Variants in AHI1 observed in about 807,000 individuals in gnomAD.
AHI1 encodes jouberin.
Under a neutral mutation model 149.3 loss-of-function variants are expected in AHI1, and 123 were observed. The ratio of observed to expected loss-of-function variants is 0.82; its 90% CI spans 0.71 to 0.96. The LOEUF (loss-of-function observed/expected upper bound fraction) is 0.96. Ranked by LOEUF, AHI1 falls within the 40% of genes least tolerant of loss-of-function variation. AHI1 has a pLI of 0.00. For synonymous variants in AHI1, 475 were observed against 459.8 expected (o/e 1.03, Z -0.42); for missense variants, 1,439 against 1,422.7 (o/e 1.01, Z -0.18).
At chr6:135,438,286 A>G in intron 15 of AHI1, 89 bp downstream of exon 15, 1 of 1,223,714 alleles carries the variant, frequency 8.2e-7, no homozygotes, top group Admixed American at 2.9e-5. Flanking sequence ...ATACGACTGG[A>G]GCATAAGAGT....
chr6:135,298,126 T>G (rs911601706), intron 27 of AHI1, among the ~76,000 whole-genome samples: 1 of 152,114 alleles, frequency 6.6e-6, no homozygotes, highest in African/African-American at 2.4e-5. Flanking sequence ...AGCAGCCTCA[T>G]TACCAACTCT....
chr6:135,290,332 C>T lies in AHI1; in HGVS notation c.3588+91G>A, dbSNP rs1782180738. ...ACTTGTCAGTCCTTATTTTACTTGC[C>T]TCTCTCTGGTATTTGTCCTTGCTGA... On this transcript the variant is annotated intron_variant, in intron 28 of 28. Coordinates refer to ENST00000265602, the MANE Select transcript of AHI1 (RefSeq NM_001134831.2). 4 of 818,244 alleles carry T rather than the reference C, an allele frequency of 4.9e-6. No homozygotes were observed. The Admixed American group carries it at 7.7e-5, about 16-fold the overall frequency. The allele number at this position is 818,244 out of a possible 1,614,324, so 50.7% of individuals were successfully genotyped here.
At chr6:135,414,205 G>GT (rs1167823842) in intron 20 of AHI1, among the ~76,000 whole-genome samples, 2 of 152,202 alleles carry the variant, frequency 1.3e-5, no homozygotes, top group Non-Finnish European at 2.9e-5. Flanking sequence ...AGAAAAGACA[G>GT]TTTTTTCCAA....
At chr6:135,479,442 C>T (rs1409631131) in intron 5 of AHI1, among the ~76,000 whole-genome samples, 2 of 152,200 alleles carry the variant, frequency 1.3e-5, no homozygotes, top group Non-Finnish European at 2.9e-5. Context: ...TATTTTGGAG[C>T]TTTAAAATTT....
At chr6:135,347,455 A>G (rs1791402178) in intron 24 of AHI1, among the ~76,000 whole-genome samples, 2 of 152,204 alleles carry the variant, frequency 1.3e-5, no homozygotes, top group Non-Finnish European at 2.9e-5. Flanking sequence ...TAGAGAGTTA[A>G]TATTTTTGGC....
At chr6:135,393,382 C>T (rs925609257) in intron 23 of AHI1, among the ~76,000 whole-genome samples, 1 of 152,128 alleles carries the variant, frequency 6.6e-6, no homozygotes, top group African/African-American at 2.4e-5. Flanking sequence ...TATTTACCTT[C>T]TAAGCTCTTA....
rs962171334 is a variant in AHI1 at position 135,432,300 on chromosome 6, C to A, written c.2266+727G>T. Reference sequence around the variant, plus strand: ...ACTATTTAATAGATACAATAAATTTCTTCATTCTTTCAGATAATAAAATGA... The same window carrying A: ...ACTATTTAATAGATACAATAAATTTATTCATTCTTTCAGATAATAAAATGA... On this transcript the variant is annotated intron_variant, in intron 16 of 28. Transcript: ENST00000265602. Among the ~76,000 whole-genome samples the A allele has an allele frequency of 2.0e-5, 3 of 152,120 alleles. No homozygotes were observed. The East Asian group carries it at 5.8e-4, about 29-fold the overall frequency.
intron 24 of AHI1, among the ~76,000 whole-genome samples, chr6:135,353,342 C>T (rs2128428296): frequency 6.6e-6 from 1 of 152,154 alleles, no homozygotes; most frequent in South Asian, 2.1e-4. Context: ...AAGAGATTGG[C>T]CATGGGTTCT....
At chr6:135,301,385 A>G in intron 26 of AHI1, 1 of 981,916 alleles carries the variant, frequency 1.0e-6, no homozygotes, top group Non-Finnish European at 1.2e-6. Flanking sequence ...AAACAAAATG[A>G]AATGAAAGAA....
At chr6:135,299,963 C>T (rs1173540504) in intron 27 of AHI1, among the ~76,000 whole-genome samples, 1 of 152,090 alleles carries the variant, frequency 6.6e-6, no homozygotes, top group African/African-American at 2.4e-5. Context: ...TTGTGTGATA[C>T]TAGTTTAATA....
intron 10 of AHI1, among the ~76,000 whole-genome samples, chr6:135,454,654 A>G (rs556421512): frequency 6.6e-6 from 1 of 152,218 alleles, no homozygotes; most frequent in Non-Finnish European, 1.5e-5. Context: ...TGCATAGGCA[A>G]TAACATATTA....
chr6:135,321,210 C>G (rs969413577), intron 25 of AHI1, among the ~76,000 whole-genome samples: 1 of 152,016 alleles, frequency 6.6e-6, no homozygotes, highest in African/African-American at 2.4e-5. Flanking sequence ...CTTTAGTGAG[C>G]CGTGACTGCA....
chr6:135,451,603 G>C (rs545756399), intron 11 of AHI1, among the ~76,000 whole-genome samples: 1 of 152,146 alleles, frequency 6.6e-6, no homozygotes, highest in South Asian at 2.1e-4. Flanking sequence ...TACTCTTTCT[G>C]GGGGGTGGGG....
intron 23 of AHI1, among the ~76,000 whole-genome samples, chr6:135,383,056 A>C (rs1385755518): frequency 1.3e-5 from 2 of 148,564 alleles, no homozygotes; most frequent in African/African-American, 4.9e-5. Context: ...TGCGAAAACA[A>C]GTATATATGA....
At position 135,442,566 on chromosome 6, in the gene AHI1, T is replaced by C; in HGVS notation, c.1912+16A>G. On this transcript the variant is annotated intron_variant, in intron 14 of 28. Transcript: ENST00000265602. ...GTGGACTACAATCAGATTAAACAGG[T>C]AGGATTATTACTCACAAATAATTGG... The C allele has an allele frequency of 2.5e-6, 4 of 1,598,756 alleles. No individual in the cohort carries two copies. The highest frequency in any genetic ancestry group is 2.3e-5 in the South Asian group (2 of 87,762).
intron 14 of AHI1, among the ~76,000 whole-genome samples, chr6:135,441,227 T>A (rs1264172926): frequency 6.7e-6 from 1 of 150,240 alleles, no homozygotes; most frequent in Non-Finnish European, 1.5e-5. Flanking sequence ...CAAAAGCAGA[T>A]CTAAACTGAA....
intron 23 of AHI1, among the ~76,000 whole-genome samples, chr6:135,380,731 A>AACCCCC (rs1776620230): frequency 5.4e-5 from 3 of 56,052 alleles, no homozygotes; most frequent in Non-Finnish European, 6.9e-5. Context: ...AAGTAAAATA[A>AACCCCC]CCCCCCCCCC....
chr6:135,290,447 T>C lies in AHI1; in HGVS notation c.3564A>G (p.Ala1188=), dbSNP rs759877397. The change falls in exon 28 of 29, where the codon GCA becomes GCG. Residue 1188 remains alanine (A), a synonymous_variant. Coordinates refer to ENST00000265602, the MANE Select transcript of AHI1 (RefSeq NM_001134831.2). ...CCTCTATTAGAGTGACTTTTCTGCCTGCTTGCTTGTTCTTCCTCATCCGTG... is the reference window on the plus strand; with the variant it reads ...CCTCTATTAGAGTGACTTTTCTGCCCGCTTGCTTGTTCTTCCTCATCCGTG... ...MDTRMRKNKQ[A]GRKVTLIE is the part of the protein sequence containing the mutation. The C allele has an allele frequency of 2.5e-6, 4 of 1,609,268 alleles. No homozygotes were observed. Among genetic ancestry groups the C allele is most frequent in the East Asian group, 4.5e-5 (2 of 44,870 alleles).
At chr6:135,496,127 T>G (rs1217850590) in intron 2 of AHI1, among the ~76,000 whole-genome samples, 1 of 152,168 alleles carries the variant, frequency 6.6e-6, no homozygotes, top group Non-Finnish European at 1.5e-5. Flanking sequence ...TCTAATTTTT[T>G]TTTTTTGGAG....
Sources: gnomAD v4.1 joint callset for allele counts (sites outside exome capture counted in the v4.1 genomes callset) on GRCh38, gnomAD v4.1.1 for gene constraint, MANE v1.5 for transcripts, NCBI Gene and HGNC (gene_info 2026-07-23, HGNC 2026-07-21) for gene names.